RTL4: variants seen among roughly 807,000 people sequenced by gnomAD.
RTL4 encodes the protein retrotransposon Gag-like protein 4.
In RTL4, 4 loss-of-function variants were observed where a neutral mutation model predicts 5.3. The ratio of observed to expected loss-of-function variants is 0.75; its 90% confidence interval spans 0.37 to 1.72. The LOEUF (loss-of-function observed/expected upper bound fraction) is 1.72, where lower values mean the gene tolerates loss of function less well. Among genes scored for constraint, RTL4 ranks in the 40% most tolerant of loss-of-function variants. RTL4 has a pLI of 0.04. For missense variants in RTL4, 260 were observed against 227.1 expected (o/e 1.14, Z -0.93); for synonymous variants, 98 against 87.3 (o/e 1.12, Z -0.68).
chrX:112,443,610 T>A, the RTL4 span, among the ~76,000 whole-genome samples: 1 of 112,031 alleles, frequency 8.9e-6, no homozygotes, highest in South Asian at 3.7e-4. Context: ...ATTGCACGAT[T>A]TTTTTAGTAT....
At chrX:112,186,314 A>C in the RTL4 span, among the ~76,000 whole-genome samples, 2 of 112,354 alleles carry the variant, frequency 1.8e-5, no homozygotes, top group Non-Finnish European at 3.8e-5. Flanking sequence ...AGTTAGACAC[A>C]AAGTCACCAC....
chrX:112,178,290 G>C, the RTL4 span, among the ~76,000 whole-genome samples: 1 of 111,591 alleles, frequency 9.0e-6, no homozygotes, highest in African/African-American at 3.3e-5. Flanking sequence ...CGATGATTCT[G>C]GGCCTAGGCT....
the RTL4 span, among the ~76,000 whole-genome samples, chrX:112,246,440 C>T: frequency 3.6e-5 from 4 of 111,889 alleles, no homozygotes; most frequent in Middle Eastern, 9.3e-3. Context: ...CACCCCTCCC[C>T]GAGCCAGGAT....
chrX:112,256,341 T>C, the RTL4 span, among the ~76,000 whole-genome samples: 1,674 of 111,968 alleles, frequency 0.015, 33 homozygotes, highest in African/African-American at 0.051. Context: ...TTCAAAAATA[T>C]TCTATTCCTA....
chrX:112,328,764 T>G, the RTL4 span, among the ~76,000 whole-genome samples: 1 of 111,244 alleles, frequency 9.0e-6, no homozygotes, highest in Non-Finnish European at 1.9e-5. Flanking sequence ...GGAAGTAAAG[T>G]TCCCCTCAGC....
the RTL4 span, among the ~76,000 whole-genome samples, chrX:112,312,117 C>T: frequency 9.0e-6 from 1 of 111,288 alleles, no homozygotes; most frequent in Admixed American, 9.7e-5. Context: ...AACCTATCAA[C>T]GTATTTCCAG....
chrX:112,304,453 G>A, the RTL4 span, among the ~76,000 whole-genome samples: 63 of 110,283 alleles, frequency 5.7e-4, no homozygotes, highest in Non-Finnish European at 8.7e-4. Context: ...TTTTATTACC[G>A]ATTTAAAATT....
At chrX:112,369,753 T>C in the RTL4 span, among the ~76,000 whole-genome samples, 2 of 112,127 alleles carry the variant, frequency 1.8e-5, no homozygotes, top group East Asian at 5.7e-4. Context: ...GGCTAGAAGC[T>C]AGAAGACCAC....
At chrX:112,106,178 G>A in the RTL4 span, among the ~76,000 whole-genome samples, 40 of 112,020 alleles carry the variant, frequency 3.6e-4, no homozygotes, top group African/African-American at 1.3e-3. Flanking sequence ...CACGTTTGTG[G>A]ATTTGTGTAT....
chrX:112,177,527 ATT>A, the RTL4 span, among the ~76,000 whole-genome samples: 44 of 96,324 alleles, frequency 4.6e-4, no homozygotes, highest in African/African-American at 1.0e-3. Context: ...ATTATTTGGG[ATT>A]TTTTTTTTTT....
chrX:112,432,967 A>G, the RTL4 span, among the ~76,000 whole-genome samples: 2 of 111,307 alleles, frequency 1.8e-5, no homozygotes. Context: ...CAGTTTTCCC[A>G]GCACCATTTA....
the RTL4 span, among the ~76,000 whole-genome samples, chrX:112,244,330 T>G: frequency 9.0e-6 from 1 of 111,652 alleles, no homozygotes; most frequent in Admixed American, 9.5e-5. Flanking sequence ...TGTGGGAGTC[T>G]AAGTCTCTGT....
the RTL4 span, among the ~76,000 whole-genome samples, chrX:112,417,886 G>A: frequency 0.041 from 4,544 of 111,818 alleles, 196 homozygotes; most frequent in African/African-American, 0.12. Context: ...GGTGGCTCAC[G>A]CCTGTAATCC....
the RTL4 span, among the ~76,000 whole-genome samples, chrX:112,295,026 A>G: frequency 8.9e-6 from 1 of 112,320 alleles, no homozygotes; most frequent in Non-Finnish European, 1.9e-5. Flanking sequence ...CAACTTTAAA[A>G]CACAATTTCT....
At chrX:112,143,406 GT>G in the RTL4 span, among the ~76,000 whole-genome samples, 1 of 111,267 alleles carries the variant, frequency 9.0e-6, no homozygotes, top group Non-Finnish European at 1.9e-5. Context: ...CACCTTGTGG[GT>G]TTTGCTTTTG....
chrX:112,246,413 G>A, the RTL4 span, among the ~76,000 whole-genome samples: 1 of 111,856 alleles, frequency 8.9e-6, no homozygotes, highest in Non-Finnish European at 1.9e-5. Context: ...ACCTACTCAA[G>A]CTTCAGCAAT....
At chrX:112,242,597 C>G in the RTL4 span, among the ~76,000 whole-genome samples, 99 of 111,719 alleles carry the variant, frequency 8.9e-4, no homozygotes, top group Non-Finnish European at 1.5e-3. Context: ...AGATTTTGGG[C>G]TGAGATCATG....
At chrX:112,420,999 T>A in the RTL4 span, among the ~76,000 whole-genome samples, 2 of 111,946 alleles carry the variant, frequency 1.8e-5, no homozygotes, top group Non-Finnish European at 3.8e-5. Flanking sequence ...ACCTTTTTTT[T>A]AATCCAGGTG....
At chrX:112,337,644 T>C in the RTL4 span, among the ~76,000 whole-genome samples, 2 of 111,650 alleles carry the variant, frequency 1.8e-5, no homozygotes, top group African/African-American at 6.5e-5. Flanking sequence ...CCTTCAATGC[T>C]CTTATTTCTT....
Sources: gnomAD v4.1 joint callset for allele counts (sites outside exome capture counted in the v4.1 genomes callset) on GRCh38, gnomAD v4.1.1 for gene constraint, MANE v1.5 for transcripts, NCBI Gene and HGNC (gene_info 2026-07-23, HGNC 2026-07-21) for gene names.